CLASP1: variants seen among roughly 807,000 people sequenced by gnomAD.
The protein encoded by CLASP1 is CLIP-associating protein 1.
CLASP1 carries 38 observed loss-of-function variants against 192.3 expected under a neutral mutation model. The observed-to-expected ratio is 0.20, with a 90% confidence interval of 0.15 to 0.26. CLASP1 has a LOEUF of 0.26. Among genes scored for constraint, CLASP1 ranks in the 10% least tolerant of loss-of-function variants. The probability of loss-of-function intolerance (pLI) is 1.00; values close to 1 mark genes in which losing one functional copy is unlikely to be tolerated. For missense variants in CLASP1, 1,433 were observed against 1,932.5 expected, an observed-to-expected ratio of 0.74 and a Z score of 4.85; for synonymous variants, 691 against 712.8, an observed-to-expected ratio of 0.97 and a Z score of 0.49.
intron 6 of CLASP1, among the ~76,000 whole-genome samples, chr2:121,521,308 C>G (rs2094450296): frequency 6.6e-6 from 1 of 152,172 alleles, no homozygotes; most frequent in African/African-American, 2.4e-5. Context: ...TTATGGCACT[C>G]TCACTGCTTA....
At position 121,365,024 on chromosome 2, in the gene CLASP1, C is replaced by T. The variant is rs768618762; in HGVS notation, c.4077+70G>A. ...CCAGAAAGTAAAGCTGAAGCTAAGC[C>T]CAATAAGAAAAGGACATCGTGACCC... is the stretch of plus-strand genomic sequence containing the variant. On this transcript the variant is annotated intron_variant, in intron 36 of 39. Coordinates refer to ENST00000263710, the Ensembl canonical transcript of CLASP1. The T allele has an allele frequency of 5.0e-6, 7 of 1,387,402 alleles. No homozygotes were observed. In the South Asian group the frequency reaches 8.3e-5, roughly 16 times the overall value. 85.9% of individuals were successfully genotyped at this position (1,387,402 alleles called of 1,614,324 possible). A position where few individuals can be genotyped will look rare whatever the true frequency, so the allele number is the denominator to read the frequency against.
At chr2:121,605,793 G>C in exon 2 of CLASP1, 1 of 1,614,000 alleles carries the variant, frequency 6.2e-7, no homozygotes, top group Non-Finnish European at 8.5e-7. Context: ...GCAGACTTCT[G>C]TTTGTCTGAG....
chr2:121,358,134 C>T (rs1336076757), intron 37 of CLASP1, among the ~76,000 whole-genome samples: 1 of 152,176 alleles, frequency 6.6e-6, no homozygotes, highest in African/African-American at 2.4e-5. Flanking sequence ...TGGAATCTCT[C>T]AATGAAGCTA....
intron 8 of CLASP1, among the ~76,000 whole-genome samples, chr2:121,476,875 T>C (rs1178391418): frequency 1.3e-5 from 2 of 152,226 alleles, no homozygotes; most frequent in African/African-American, 2.4e-5. Context: ...GACAGGATAA[T>C]GAGCCCAAAG....
At chr2:121,524,800 G>A (rs1443739462) in intron 6 of CLASP1, among the ~76,000 whole-genome samples, 1 of 152,192 alleles carries the variant, frequency 6.6e-6, no homozygotes, top group Non-Finnish European at 1.5e-5. Flanking sequence ...AAGGGCGTGA[G>A]TGGAAGAAGA....
At chr2:121,512,304 G>A (rs1401781812) in intron 7 of CLASP1, among the ~76,000 whole-genome samples, 1 of 152,210 alleles carries the variant, frequency 6.6e-6, no homozygotes, top group Non-Finnish European at 1.5e-5. Context: ...TCAATGGGAT[G>A]AGAGTGAATG....
chr2:121,616,604 C>A (rs1312470612), intron 1 of CLASP1, among the ~76,000 whole-genome samples: 1 of 152,190 alleles, frequency 6.6e-6, no homozygotes, highest in Non-Finnish European at 1.5e-5. Flanking sequence ...GATCTACTCA[C>A]ACTAAGTCAG....
chr2:121,387,026 T>C, intron 32 of CLASP1, 96 bp downstream of exon 33: 8 of 987,126 alleles, frequency 8.1e-6, no homozygotes, highest in Non-Finnish European at 1.3e-5. Flanking sequence ...ATTCTTTTTG[T>C]TATTTAGCTT....
chr2:121,479,256 T>C (rs1222554555), intron 8 of CLASP1, among the ~76,000 whole-genome samples: 1 of 151,626 alleles, frequency 6.6e-6, no homozygotes, highest in Non-Finnish European at 1.5e-5. Context: ...TATCTCCATT[T>C]ACAAATGACT....
rs567921877 is a variant in CLASP1, at chr2:121,473,251, A to G, written c.713-3291T>C. Among the ~76,000 whole-genome samples the G allele has an allele frequency of 4.6e-5, 7 of 152,320 alleles. No homozygotes were observed. The South Asian group carries it at 1.2e-3, about 27-fold the overall frequency. ...AATACATAGACATTCATAAGAAAAA[A>G]GAAAGTTTTTTTAAAGAATCCAATG... is the stretch of plus-strand genomic sequence containing the variant. On this transcript the variant is annotated intron_variant, in intron 8 of 39. Transcript: ENST00000263710.
intron 8 of CLASP1, among the ~76,000 whole-genome samples, chr2:121,472,393 C>CT (rs2090910882): frequency 6.6e-6 from 1 of 152,164 alleles, no homozygotes; most frequent in Non-Finnish European, 1.5e-5. Flanking sequence ...ACGGGCAGTT[C>CT]AGAACTTGGC....
At chr2:121,599,587 CAAAAAAA>C (rs763909303) in intron 2 of CLASP1, among the ~76,000 whole-genome samples, 6 of 41,210 alleles carry the variant, frequency 1.5e-4, no homozygotes, top group South Asian at 9.2e-4. Context: ...GACTCCATCT[CAAAAAAA>C]AAAAAAAAAA....
intron 8 of CLASP1, chr2:121,470,217 A>G (rs2090427362): frequency 1.8e-6 from 1 of 544,556 alleles, no homozygotes; most frequent in Admixed American, 2.2e-5. Context: ...AAATATAAAG[A>G]AGAAAACAAT....
At chr2:121,625,427 A>ATTTTTTTTTTTT (rs397868546) in intron 1 of CLASP1, among the ~76,000 whole-genome samples, 2 of 95,752 alleles carry the variant, frequency 2.1e-5, no homozygotes, top group African/African-American at 8.9e-5. Context: ...TCTTTCTTTC[A>ATTTTTTTTTTTT]TTTTTTTTTT....
intron 30 of CLASP1, among the ~76,000 whole-genome samples, chr2:121,389,941 A>G (rs552107534): frequency 6.6e-6 from 1 of 152,100 alleles, no homozygotes; most frequent in South Asian, 2.1e-4. Flanking sequence ...AGGTCCAATC[A>G]TAGTGCACTG....
chr2:121,583,259 T>G (rs1318838093), intron 2 of CLASP1, among the ~76,000 whole-genome samples: 1 of 152,200 alleles, frequency 6.6e-6, no homozygotes, highest in East Asian at 1.9e-4. Context: ...ACTTGTTTTA[T>G]TTTTCTTACC....
At chr2:121,605,063 C>A (rs1307102896) in intron 2 of CLASP1, among the ~76,000 whole-genome samples, 1 of 152,194 alleles carries the variant, frequency 6.6e-6, no homozygotes, top group Non-Finnish European at 1.5e-5. Context: ...GGAAAACTGT[C>A]TTTGAAAGGT....
At chr2:121,615,158 G>T (rs1462926558) in intron 1 of CLASP1, among the ~76,000 whole-genome samples, 1 of 151,918 alleles carries the variant, frequency 6.6e-6, no homozygotes, top group Non-Finnish European at 1.5e-5. Context: ...TGGCCAACAT[G>T]GCAAAACCCC....
At chr2:121,504,874 T>C (rs552601549) in intron 7 of CLASP1, 1 of 152,224 alleles carries the variant, frequency 6.6e-6, no homozygotes, top group Non-Finnish European at 1.5e-5. Context: ...AAGCTGGCAC[T>C]GAATAAAACT....
Sources: allele counts gnomAD v4.1 joint callset (sites outside exome capture counted in the v4.1 genomes callset), GRCh38; gene constraint gnomAD v4.1.1; transcripts MANE v1.5; gene names NCBI Gene and HGNC (gene_info 2026-07-23, HGNC 2026-07-21).